SHISAL1: variants seen among roughly 807,000 people sequenced by gnomAD.
The protein encoded by SHISAL1 is shisa like 1, also known as protein shisa-like-1.
A neutral mutation model predicts 22.6 loss-of-function variants in SHISAL1; 9 were observed. The observed-to-expected ratio is 0.40, with a 90% CI of 0.24 to 0.70. The LOEUF (loss-of-function observed/expected upper bound fraction) is 0.70, where lower values mean the gene tolerates loss of function less well. Ranked by LOEUF, SHISAL1 falls within the 30% of genes least tolerant of loss-of-function variation. The pLI, the probability that SHISAL1 is intolerant of heterozygous loss-of-function variation, is 0.39. For synonymous variants in SHISAL1, 119 were observed against 115.4 expected (o/e 1.03, Z -0.20); for missense variants, 246 against 270.6 (o/e 0.91, Z 0.64).
At chr22:44,275,229 G>C (rs1207070570) in intron 4 of SHISAL1, among the ~76,000 whole-genome samples, 1 of 152,208 alleles carries the variant, frequency 6.6e-6, no homozygotes, top group Non-Finnish European at 1.5e-5. Flanking sequence ...GCCACCTCCG[G>C]AAAGATTCCC....
At chr22:44,260,944 G>C (rs1430017960) in intron 4 of SHISAL1, among the ~76,000 whole-genome samples, 1 of 151,920 alleles carries the variant, frequency 6.6e-6, no homozygotes, top group Non-Finnish European at 1.5e-5. Flanking sequence ...GTTTGGGGAT[G>C]ACAAGCACAA....
intron 4 of SHISAL1, among the ~76,000 whole-genome samples, chr22:44,269,867 C>G (rs1342844116): frequency 6.6e-6 from 1 of 152,196 alleles, no homozygotes; most frequent in African/African-American, 2.4e-5. Flanking sequence ...GATGCACCAC[C>G]CTGTGCCCAG....
At chr22:44,282,113 G>A (rs1040569445) in intron 4 of SHISAL1, among the ~76,000 whole-genome samples, 18 of 152,204 alleles carry the variant, frequency 1.2e-4, no homozygotes, top group Non-Finnish European at 2.4e-4. Context: ...GGGCTGCCTC[G>A]GGGCCCTCAC....
intron 4 of SHISAL1, among the ~76,000 whole-genome samples, chr22:44,250,616 C>A (rs527370075): frequency 6.6e-6 from 1 of 152,178 alleles, no homozygotes; most frequent in Non-Finnish European, 1.5e-5. Context: ...GGTCACATGA[C>A]CCAGTCTGGC....
chr22:44,259,268 G>A (rs540646884), intron 4 of SHISAL1, among the ~76,000 whole-genome samples: 28 of 151,834 alleles, frequency 1.8e-4, no homozygotes, highest in South Asian at 8.3e-4. Context: ...GTGAAACCCC[G>A]TCTACTAAAA....
intron 4 of SHISAL1, among the ~76,000 whole-genome samples, chr22:44,255,091 G>A (rs1029673806): frequency 1.3e-5 from 2 of 152,038 alleles, no homozygotes; most frequent in African/African-American, 4.8e-5. Flanking sequence ...CCCTTTGCTG[G>A]TCTGCCCACA....
intron 4 of SHISAL1, among the ~76,000 whole-genome samples, chr22:44,271,528 T>C (rs865917399): frequency 6.6e-6 from 1 of 152,250 alleles, no homozygotes; most frequent in Non-Finnish European, 1.5e-5. Context: ...AAAATGCCCA[T>C]GTTGGGAGAC....
intron 2 of SHISAL1, among the ~76,000 whole-genome samples, chr22:44,299,935 GAC>G (rs2055414872): frequency 6.6e-6 from 1 of 151,096 alleles, no homozygotes. Flanking sequence ...CAGACACAGA[GAC>G]ACAGAGAGAC....
the SHISAL1 span, among the ~76,000 whole-genome samples, chr22:44,330,623 A>G: frequency 2.6e-5 from 4 of 152,122 alleles, no homozygotes; most frequent in Non-Finnish European, 5.9e-5. Flanking sequence ...CCAAAGAGGT[A>G]ACAGTTGCAG....
upstream of SHISAL1, among the ~76,000 whole-genome samples, chr22:44,317,288 C>T (rs1290949511): frequency 1.3e-5 from 2 of 152,224 alleles, no homozygotes; most frequent in African/African-American, 2.4e-5. Context: ...CACCGACGAG[C>T]AGGGCCCGGC....
chr22:44,300,204 G>A (rs2055418538), intron 2 of SHISAL1, among the ~76,000 whole-genome samples: 1 of 152,002 alleles, frequency 6.6e-6, no homozygotes, highest in South Asian at 2.1e-4. Flanking sequence ...GACACACAGA[G>A]AGAGACAGAG....
the SHISAL1 span, among the ~76,000 whole-genome samples, chr22:44,319,417 TG>T: frequency 1.3e-5 from 2 of 152,172 alleles, no homozygotes; most frequent in African/African-American, 4.8e-5. Flanking sequence ...CCTTGGCCCT[TG>T]GGGATGAAGG....
upstream of SHISAL1, among the ~76,000 whole-genome samples, chr22:44,313,024 G>C (rs1213556151): frequency 6.6e-6 from 1 of 152,204 alleles, no homozygotes; most frequent in Non-Finnish European, 1.5e-5. Context: ...CCTGGGCCTA[G>C]GGCCGCCACC....
intron 2 of SHISAL1, among the ~76,000 whole-genome samples, chr22:44,300,545 G>A (rs1216254427): frequency 2.6e-5 from 4 of 152,206 alleles, no homozygotes; most frequent in Admixed American, 6.5e-5. Context: ...TATAAAATGG[G>A]ATGACTAGGA....
the SHISAL1 span, among the ~76,000 whole-genome samples, chr22:44,319,436 G>A: frequency 6.6e-6 from 1 of 152,250 alleles, no homozygotes; most frequent in Non-Finnish European, 1.5e-5. Context: ...AGGGGAAAGA[G>A]GAGGGAGCTG....
the SHISAL1 span, among the ~76,000 whole-genome samples, chr22:44,327,602 C>T: frequency 1.8e-4 from 28 of 152,090 alleles, no homozygotes; most frequent in African/African-American, 6.8e-4. Flanking sequence ...TCTCAGTGAC[C>T]TTGGAGTCTC....
intron 4 of SHISAL1, among the ~76,000 whole-genome samples, chr22:44,284,092 G>A (rs577135018): frequency 1.4e-4 from 21 of 152,236 alleles, no homozygotes; most frequent in African/African-American, 5.1e-4. Flanking sequence ...CTGTGTCTTT[G>A]TCTCCTGTGT....
intron 4 of SHISAL1, among the ~76,000 whole-genome samples, chr22:44,263,926 G>A (rs111829677): frequency 0.042 from 6,468 of 152,240 alleles, 422 homozygotes; most frequent in African/African-American, 0.14. Context: ...CAGCAGCTAC[G>A]GGACACTCAC....
In SHISAL1 at chr22:44,312,775, T is replaced by C. The variant is rs7510924; in HGVS notation, c.-57A>G. On this transcript the variant is annotated 5_prime_UTR_variant, in exon 1 of 5. Coordinates refer to ENST00000381176, the MANE Select transcript of SHISAL1 (RefSeq NM_001099294.2). ...CCTGCCGAGCCCTGTGACTGAGGGA[T>C]CAGAAGCCCCCTCCGCTGGCTGCGG... The C allele has an allele frequency of 0.87, 133,076 of 152,402 alleles. 58,305 individuals carry two copies. The highest frequency in any genetic ancestry group is 0.93 in the East Asian group (4,800 of 5,186). 9.4% of individuals were successfully genotyped at this position (152,402 alleles called of 1,614,324 possible).
Sources: allele counts gnomAD v4.1 joint callset (sites outside exome capture counted in the v4.1 genomes callset), GRCh38; gene constraint gnomAD v4.1.1; transcripts MANE v1.5; gene names NCBI Gene and HGNC (gene_info 2026-07-23, HGNC 2026-07-21).